The following SLC35F3 variants were observed in gnomAD, a reference collection of about 807,000 sequenced individuals.
The protein encoded by SLC35F3 is solute carrier family 35 member F3.
In SLC35F3, 25 loss-of-function variants were observed where a neutral mutation model predicts 49.9. The observed-to-expected ratio is 0.50, with a 90% CI of 0.37 to 0.70. SLC35F3 has a LOEUF of 0.70. Ranked by LOEUF, SLC35F3 falls within the 30% of genes least tolerant of loss-of-function variation. The pLI is 0.00. For missense variants in SLC35F3, 525 were observed against 639.8 expected (o/e 0.82, Z 1.94); for synonymous variants, 275 against 265.4 (o/e 1.04, Z -0.35).
intron 2 of SLC35F3, among the ~76,000 whole-genome samples, chr1:233,920,216 G>C (rs761577346): frequency 6.6e-6 from 1 of 152,172 alleles, no homozygotes; most frequent in Non-Finnish European, 1.5e-5. Context: ...ACAAGAAAAA[G>C]GGAGGTCACA....
At position 234,323,059 on chromosome 1, in the gene SLC35F3, CCAT is replaced by C. The variant is rs1379984502; in HGVS notation, c.1300_1302del (p.Ile434del). Reference sequence around the variant, plus strand: ...GTCTTCAATGGGGTCCGGGTCATCGCCATCATCATCATCGGCCTGGGTTTTCTC... The same window carrying C: ...GTCTTCAATGGGGTCCGGGTCATCGCCATCATCATCGGCCTGGGTTTTCTC... On this transcript the variant is annotated inframe_deletion, in exon 8 of 8. Transcript: ENST00000366618. This position sits in a 1 kb window ranked among gnomAD's most constrained non-coding sequence, Gnocchi z 4.5. 1 of 1,614,102 alleles carries C rather than the reference CCAT, an allele frequency of 6.2e-7. No homozygotes were observed. The highest frequency in any genetic ancestry group is 8.5e-7 in the Non-Finnish European group (1 of 1,180,010).
intron 2 of SLC35F3, among the ~76,000 whole-genome samples, chr1:233,922,617 A>G (rs1454506168): frequency 6.7e-6 from 1 of 149,236 alleles, no homozygotes; most frequent in Non-Finnish European, 1.5e-5. Flanking sequence ...CTCTGATGGT[A>G]GTTTCTTTTG....
intron 2 of SLC35F3, among the ~76,000 whole-genome samples, chr1:233,929,657 T>C (rs1662211817): frequency 6.6e-6 from 1 of 152,168 alleles, no homozygotes; most frequent in Admixed American, 6.6e-5. Flanking sequence ...GCTTTGGAAA[T>C]GAGAGGAATG....
At chr1:234,070,113 G>T (rs1041673202) in intron 2 of SLC35F3, among the ~76,000 whole-genome samples, 1 of 152,210 alleles carries the variant, frequency 6.6e-6, no homozygotes, top group African/African-American at 2.4e-5. Flanking sequence ...TACTCTGCGG[G>T]ATTCAAGGCC....
chr1:234,132,801 G>T (rs1665754480), intron 2 of SLC35F3, among the ~76,000 whole-genome samples: 1 of 152,094 alleles, frequency 6.6e-6, no homozygotes, highest in South Asian at 2.1e-4. Context: ...GGTGGTTTAT[G>T]ATTTCAATCC....
intron 2 of SLC35F3, among the ~76,000 whole-genome samples, chr1:234,108,273 GATATATATTATTTATATATAAAGAT>G (rs1278310051): frequency 2.1e-5 from 1 of 47,958 alleles, no homozygotes; most frequent in South Asian, 6.6e-4. Flanking sequence ...ATATATAAAA[GATATATATTATTTATATATAAAGAT>G]ATATATTTAT....
chr1:234,227,640 C>T (rs1412160344), intron 2 of SLC35F3, among the ~76,000 whole-genome samples: 1 of 152,018 alleles, frequency 6.6e-6, no homozygotes, highest in African/African-American at 2.4e-5. Context: ...CCTCGTGATC[C>T]GCCCACCTCG....
intron 2 of SLC35F3, among the ~76,000 whole-genome samples, chr1:234,173,405 G>C (rs900839264): frequency 1.3e-5 from 2 of 152,248 alleles, no homozygotes; most frequent in African/African-American, 4.8e-5. Flanking sequence ...GGCTTACCCA[G>C]AATCACAGAG....
At chr1:234,297,503 A>G (rs1668621964) in intron 3 of SLC35F3, among the ~76,000 whole-genome samples, 1 of 152,256 alleles carries the variant, frequency 6.6e-6, no homozygotes, top group Non-Finnish European at 1.5e-5. Flanking sequence ...ATGGACTTAG[A>G]GGACATTATG....
chr1:234,080,097 A>T (rs1013082643), intron 2 of SLC35F3, among the ~76,000 whole-genome samples: 1 of 152,088 alleles, frequency 6.6e-6, no homozygotes, highest in Non-Finnish European at 1.5e-5. Context: ...TTTCAGCCCC[A>T]CCCCCGACCT....
chr1:233,986,567 A>G (rs1404995311), intron 2 of SLC35F3, among the ~76,000 whole-genome samples: 1 of 152,210 alleles, frequency 6.6e-6, no homozygotes, highest in Non-Finnish European at 1.5e-5. Context: ...AATAAAATAT[A>G]CATATGTTTA....
chr1:233,995,969 T>C (rs1663452818), intron 2 of SLC35F3, among the ~76,000 whole-genome samples: 1 of 152,196 alleles, frequency 6.6e-6, no homozygotes, highest in Admixed American at 6.5e-5. Context: ...TTCTTATCTT[T>C]ATTCTGAGTG....
chr1:234,125,333 C>T (rs138516299), intron 2 of SLC35F3, among the ~76,000 whole-genome samples: 3 of 152,184 alleles, frequency 2.0e-5, no homozygotes, highest in African/African-American at 7.2e-5. Flanking sequence ...CACTTAAGCT[C>T]CATGTCCATT....
intron 2 of SLC35F3, among the ~76,000 whole-genome samples, chr1:234,057,391 A>G (rs549424304): frequency 2.0e-5 from 3 of 152,092 alleles, no homozygotes; most frequent in Non-Finnish European, 4.4e-5. Flanking sequence ...AATTTATTCC[A>G]CAGTATTTTA....
At chr1:234,314,008 C>T (rs1006406719) in intron 4 of SLC35F3, among the ~76,000 whole-genome samples, 1 of 152,226 alleles carries the variant, frequency 6.6e-6, no homozygotes, top group African/African-American at 2.4e-5. Context: ...GGTAGGAACC[C>T]TAGTTCACAT....
Position 234,237,532 on chromosome 1 carries a change from T to A in SLC35F3, c.608+5791T>A, listed in dbSNP as rs543216606. On this transcript the variant is annotated intron_variant, in intron 3 of 7. Coordinates refer to ENST00000366618, the MANE Select transcript of SLC35F3 (RefSeq NM_173508.4). ...GCCCTAATTAGCGATGCCCAGCATC[T>A]CCCTGCCTTCCTGCTGTCAGGCCTC... 6.9e-4 allele frequency among the ~76,000 whole-genome samples: 105 copies of A among 152,314 alleles called. 1 individual carries two copies. In the Middle Eastern group the frequency reaches 0.01, roughly 15 times the overall value.
chr1:234,191,987 TC>T, intron 2 of SLC35F3, among the ~76,000 whole-genome samples: 1 of 150,624 alleles, frequency 6.6e-6, no homozygotes, highest in East Asian at 2.0e-4. Flanking sequence ...AAAAAAAAAG[TC>T]CAGGACCAGA....
intron 2 of SLC35F3, among the ~76,000 whole-genome samples, chr1:234,118,094 A>G (rs573421898): frequency 2.0e-5 from 3 of 152,104 alleles, no homozygotes; most frequent in African/African-American, 7.2e-5. Context: ...TGGGATTGCT[A>G]GTTAACACTG....
At chr1:233,990,870 C>T (rs915201979) in intron 2 of SLC35F3, among the ~76,000 whole-genome samples, 7 of 152,130 alleles carry the variant, frequency 4.6e-5, no homozygotes, top group Admixed American at 3.3e-4. Context: ...TAATTGGCAT[C>T]TGTTGTAAAG....
Sources: gnomAD v4.1 joint callset for allele counts (sites outside exome capture counted in the v4.1 genomes callset) on GRCh38, gnomAD v4.1.1 for gene constraint, Gnocchi (gnomAD v3.1) non-coding constraint, MANE v1.5 for transcripts, NCBI Gene and HGNC (gene_info 2026-07-23, HGNC 2026-07-21) for gene names.